HDAC9: variants seen among roughly 807,000 people sequenced by gnomAD.
HDAC9 encodes the protein MEF-2 interacting transcription repressor (MITR) protein.
Under a neutral mutation model 139.4 loss-of-function variants are expected in HDAC9, and 41 were observed. The ratio of observed to expected loss-of-function variants is 0.29; its 90% confidence interval spans 0.23 to 0.38. The LOEUF is 0.38. Among genes scored for constraint, HDAC9 ranks in the 10% least tolerant of loss-of-function variants. The pLI is 1.00. For synonymous variants in HDAC9, 517 were observed against 476.2 expected (o/e 1.09, Z -1.12); for missense variants, 1,147 against 1,297.0 (o/e 0.88, Z 1.78).
At chr7:18,873,936 A>C (rs1420842575) in intron 21 of HDAC9, among the ~76,000 whole-genome samples, 5 of 152,060 alleles carry the variant, frequency 3.3e-5, no homozygotes, top group Admixed American at 6.6e-5. Flanking sequence ...TCTGGATTCT[A>C]TTAAGGGAAC....
chr7:18,346,149 C>A (rs1585282647), intron 1 of HDAC9, among the ~76,000 whole-genome samples: 1 of 152,160 alleles, frequency 6.6e-6, no homozygotes, highest in Non-Finnish European at 1.5e-5. Context: ...TGTTATGGCC[C>A]ATAATGAAGA....
At chr7:18,825,678 T>A (rs1795370598) in intron 17 of HDAC9, among the ~76,000 whole-genome samples, 1 of 150,610 alleles carries the variant, frequency 6.6e-6, no homozygotes, top group Non-Finnish European at 1.5e-5. Context: ...GAGGGATTGA[T>A]GGGATTAAGG....
At chr7:18,470,829 G>C (rs1794668797) in intron 1 of HDAC9, among the ~76,000 whole-genome samples, 1 of 152,120 alleles carries the variant, frequency 6.6e-6, no homozygotes, top group Non-Finnish European at 1.5e-5. Flanking sequence ...AGATTTCAGA[G>C]AGATAAGCCT....
Position 18,997,676 on chromosome 7 carries a change from A to T in HDAC9, c.*1614A>T, listed in dbSNP as rs1786543906. On this transcript the variant is annotated 3_prime_UTR_variant, in exon 26 of 26. Coordinates refer to ENST00000686413, the MANE Select transcript of HDAC9 (RefSeq NM_178425.4). ...CATGATATGAAAGATATGGAACAAT[A>T]TGGTTTTAGTTAGAGAGGACTCTAA... 1 of 152,188 alleles carries T rather than the reference A, an allele frequency of 6.6e-6. No homozygotes were observed. The highest frequency in any genetic ancestry group is 2.4e-5 in the African/African-American group (1 of 41,466). 9.4% of individuals were successfully genotyped at this position (152,188 alleles called of 1,614,324 possible).
At chr7:18,145,086 G>A (rs976228675) in intron 1 of HDAC9, among the ~76,000 whole-genome samples, 1 of 152,200 alleles carries the variant, frequency 6.6e-6, no homozygotes, top group Non-Finnish European at 1.5e-5. Flanking sequence ...AGGTCAGTAA[G>A]TGATCCTGAA....
chr7:18,431,373 A>C (rs2128762841), intron 1 of HDAC9, among the ~76,000 whole-genome samples: 1 of 152,316 alleles, frequency 6.6e-6, no homozygotes, highest in African/African-American at 2.4e-5. Context: ...GGCCTGATGA[A>C]GTCATGAGAA....
At chr7:18,097,132 A>G (rs528946388) in intron 1 of HDAC9, among the ~76,000 whole-genome samples, 1 of 152,350 alleles carries the variant, frequency 6.6e-6, no homozygotes, top group East Asian at 1.9e-4. Flanking sequence ...TAATGAGTGC[A>G]TAGTCACACA....
intron 12 of HDAC9, chr7:18,667,817 C>T: frequency 2.0e-6 from 2 of 984,630 alleles, no homozygotes; most frequent in Non-Finnish European, 2.4e-6. Context: ...AAGCTTTTCA[C>T]TGGAACATTT....
intron 1 of HDAC9, among the ~76,000 whole-genome samples, chr7:18,333,973 TTGG>T (rs139840011): frequency 2.0e-5 from 3 of 151,294 alleles, no homozygotes; most frequent in Non-Finnish European, 3.0e-5. Flanking sequence ...ACTGTGAAAC[TTGG>T]TGGCAGGAAA....
At chr7:18,460,396 G>T (rs1472661977) in intron 1 of HDAC9, among the ~76,000 whole-genome samples, 5 of 152,050 alleles carry the variant, frequency 3.3e-5, no homozygotes, top group African/African-American at 1.2e-4. Flanking sequence ...ATAAAATTTT[G>T]TAGAATTATG....
intron 23 of HDAC9, chr7:18,949,539 T>A (rs1308632830): frequency 1.4e-5 from 3 of 214,366 alleles, no homozygotes; most frequent in Admixed American, 4.2e-5. Flanking sequence ...TTGCCAGTGT[T>A]ACTTTTATTT....
Position 18,933,302 on chromosome 7 carries a change from G to T in HDAC9, c.2804-2507G>T, listed in dbSNP as rs946720640. Among the ~76,000 whole-genome samples the T allele has an allele frequency of 6.6e-5, 10 of 151,936 alleles. No individual in the cohort carries two copies. The East Asian group carries it at 9.7e-4, about 15-fold the overall frequency. On this transcript the variant is annotated intron_variant, in intron 22 of 25. Coordinates refer to ENST00000686413, the MANE Select transcript of HDAC9 (RefSeq NM_178425.4). ...GCAACAAGAGAACTAGAGGACTCTG[G>T]GTCCTTTTTGTTAAGGGTACAAATC...
chr7:18,138,527 GGTGTGTGTGTGTGTGT>G (rs71014309), intron 1 of HDAC9, among the ~76,000 whole-genome samples: 2,401 of 142,666 alleles, frequency 0.017, 66 homozygotes, highest in African/African-American at 0.059. Flanking sequence ...GAGAGAGAGA[GGTGTGTGTGTGTGTGT>G]GTGTGTGTGT....
chr7:18,218,799 A>G (rs1187951015), intron 2 of HDAC9, among the ~76,000 whole-genome samples: 1 of 152,224 alleles, frequency 6.6e-6, no homozygotes, highest in Non-Finnish European at 1.5e-5. Context: ...TTATTTTACC[A>G]GTTTCTTAAC....
At chr7:18,811,259 A>G (rs1364979038) in intron 17 of HDAC9, among the ~76,000 whole-genome samples, 1 of 151,478 alleles carries the variant, frequency 6.6e-6, no homozygotes, top group East Asian at 1.9e-4. Context: ...CTTCATCATT[A>G]TTATTTCTCT....
At chr7:18,238,422 A>G (rs2128188366) in intron 2 of HDAC9, among the ~76,000 whole-genome samples, 1 of 152,274 alleles carries the variant, frequency 6.6e-6, no homozygotes, top group South Asian at 2.1e-4. Context: ...ACAGTGCCAT[A>G]ATTGCTGGTT....
chr7:18,254,034 A>T (rs1337130846), intron 2 of HDAC9, among the ~76,000 whole-genome samples: 1 of 152,254 alleles, frequency 6.6e-6, no homozygotes, highest in Non-Finnish European at 1.5e-5. Context: ...ATAGTGTTTA[A>T]ACATCATGCA....
intron 25 of HDAC9, among the ~76,000 whole-genome samples, chr7:18,991,446 G>C (rs1436257217): frequency 2.0e-5 from 3 of 152,124 alleles, no homozygotes; most frequent in Admixed American, 1.3e-4. Context: ...GACCATCCTG[G>C]CTAACACGGT....
intron 2 of HDAC9, among the ~76,000 whole-genome samples, chr7:18,164,308 A>C (rs760306891): frequency 6.6e-6 from 1 of 152,216 alleles, no homozygotes; most frequent in Non-Finnish European, 1.5e-5. Context: ...AAACATAAAA[A>C]AAAATTTTCT....
Sources: allele counts gnomAD v4.1 joint callset (sites outside exome capture counted in the v4.1 genomes callset), GRCh38; gene constraint gnomAD v4.1.1; transcripts MANE v1.5; gene names NCBI Gene and HGNC (gene_info 2026-07-23, HGNC 2026-07-21).